The following PSRC1 variants were observed in gnomAD, a reference collection of about 807,000 sequenced individuals.
PSRC1 encodes the protein proline and serine rich coiled-coil 1, also known as proline/serine-rich coiled-coil protein 1.
Under a neutral mutation model 31.9 loss-of-function variants are expected in PSRC1, and 30 were observed. The observed-to-expected ratio is 0.94, with a 90% CI of 0.70 to 1.28. PSRC1 has a LOEUF of 1.28. Among genes scored for constraint, PSRC1 ranks in the 50% most tolerant of loss-of-function variants. PSRC1 has a pLI of 0.00. For missense variants in PSRC1, 481 were observed against 472.8 expected, an observed-to-expected ratio of 1.02 and a Z score of -0.16; for synonymous variants, 191 against 192.1, an observed-to-expected ratio of 0.99 and a Z score of 0.05.
At chr1:109,282,974 C>T (rs1273843437) in intron 1 of PSRC1, 89 bp downstream of exon 1, 3 of 575,696 alleles carry the variant, frequency 5.2e-6, no homozygotes, top group Non-Finnish European at 9.3e-6. Flanking sequence ...GCGGCCTGCA[C>T]GCCCCATCTT....
chr1:109,283,049 C>CA lies in PSRC1; in HGVS notation c.-34+24dup. ...CCACCTTTCCACTCCCCTGGCATCA[C>CA]ACGCGAAGCACACCTCCAGCCCACC... On this transcript the variant is annotated intron_variant, in intron 1 of 6. Coordinates refer to ENST00000409138, the Ensembl canonical transcript of PSRC1. 1 of 410,298 alleles carries CA rather than the reference C, an allele frequency of 2.4e-6. No homozygotes were observed. The highest frequency in any genetic ancestry group is 2.0e-5 in the African/African-American group (1 of 49,250). 25.4% of individuals were successfully genotyped at this position (410,298 alleles called of 1,614,324 possible).
chr1:109,281,708 GGCT>G (rs1207991395), exon 4 of PSRC1: 5 of 1,614,032 alleles, frequency 3.1e-6, no homozygotes, highest in Non-Finnish European at 4.2e-6. Context: ...CGAGGCGTCA[GGCT>G]GCTTGGGGAG....
chr1:109,280,202 C>T (rs367608599), intron 6 of PSRC1, 46 bp from the exon 8 acceptor site: 119 of 1,608,204 alleles, frequency 7.4e-5, no homozygotes, highest in Non-Finnish European at 9.4e-5. Context: ...CCTTCTTCCT[C>T]AAGCCCATTT....
At chr1:109,282,911 A>G (rs1166248932) in intron 1 of PSRC1, 152 bp downstream of exon 1, 1 of 632,144 alleles carries the variant, frequency 1.6e-6, no homozygotes, top group Non-Finnish European at 2.8e-6. Flanking sequence ...GGCTCCCCCA[A>G]CTGCCCAGAT....
At chr1:109,282,922 T>C in intron 1 of PSRC1, 141 bp downstream of exon 1, 2 of 618,076 alleles carry the variant, frequency 3.2e-6, no homozygotes, top group Non-Finnish European at 5.7e-6. Flanking sequence ...CTGCCCAGAT[T>C]GCCCTGGAGC....
At position 109,281,266 on chromosome 1, in the gene PSRC1, G is replaced by T. The variant is rs371053376; in HGVS notation, c.520-15C>A. The T allele has an allele frequency of 4.4e-5, 69 of 1,552,758 alleles. No homozygotes were observed. The highest frequency in any genetic ancestry group is 5.9e-5 in the Non-Finnish European group (68 of 1,146,676). On this transcript the variant is annotated splice_polypyrimidine_tract_variant and intron_variant, in intron 4 of 6. Transcript: ENST00000409138. ...GTGGGTGACTCCTGAAACACAAAGAGAGAGAGAAAAAAGACTAGAGTGGAA... is the reference window on the plus strand; with the variant it reads ...GTGGGTGACTCCTGAAACACAAAGATAGAGAGAAAAAAGACTAGAGTGGAA...
At chr1:109,282,165 C>G in intron 3 of PSRC1, 105 bp from the exon 4 acceptor site, 2 of 1,081,006 alleles carry the variant, frequency 1.9e-6, no homozygotes, top group Non-Finnish European at 2.6e-6. Context: ...GGACATGACC[C>G]TAGGCCCCGA....
intron 1 of PSRC1, 146 bp from the exon 2 acceptor site, chr1:109,282,882 C>T: frequency 1.4e-6 from 1 of 700,014 alleles, no homozygotes. Flanking sequence ...CTCCTGCTAC[C>T]TCCGGGAACG....
At chr1:109,279,888 C>A in exon 7 of PSRC1, 1 of 544,902 alleles carries the variant, frequency 1.8e-6, no homozygotes, top group Non-Finnish European at 3.3e-6. Flanking sequence ...TACTTCTCAT[C>A]TTCTATTTGT....
In PSRC1 at chr1:109,280,664, C is replaced by A; in HGVS notation, c.994+113G>T. On this transcript the variant is annotated intron_variant, in intron 5 of 6. Coordinates refer to ENST00000409138, the Ensembl canonical transcript of PSRC1. The stretch of plus-strand genomic sequence containing the variant: ...CATATCCTCTCTGTAACTCAGTCTC[C>A]CCATCTTCCAATTGAATTGCAATAA... The A allele has an allele frequency of 1.1e-5, 11 of 1,013,684 alleles. No homozygotes were observed. The South Asian group carries it at 1.8e-4, about 17-fold the overall frequency. The allele number at this position is 1,013,684 out of a possible 1,614,324, so 62.8% of individuals were successfully genotyped here.
exon 6 of PSRC1, chr1:109,280,476 C>G: frequency 6.2e-7 from 1 of 1,612,822 alleles, no homozygotes; most frequent in Non-Finnish European, 8.5e-7. Context: ...GATTTAGTCG[C>G]TGGGAAACAG....
chr1:109,281,629 T>C, exon 4 of PSRC1: 1 of 1,611,016 alleles, frequency 6.2e-7, no homozygotes, highest in Non-Finnish European at 8.5e-7. Flanking sequence ...CCTCTTCATG[T>C]TGGAGGGCCT....
rs1213288664 is a variant in PSRC1 at position 109,280,503 on chromosome 1, A to T, written c.995-14T>A. 9 of 1,600,520 alleles carry T rather than the reference A, an allele frequency of 5.6e-6. No individual in the cohort carries two copies. Among genetic ancestry groups the T allele is most frequent in the Middle Eastern group, 3.3e-4 (2 of 6,012 alleles). On this transcript the variant is annotated splice_polypyrimidine_tract_variant and intron_variant, in intron 5 of 6. Coordinates refer to ENST00000409138, the Ensembl canonical transcript of PSRC1. ...GGGAAACAGGAACTTCATGGGGGTT[A>T]ACAAAAGAAATGAGTTAGCAGCAAG...
chr1:109,281,903 C>G (rs770186008), exon 4 of PSRC1: 1 of 1,609,998 alleles, frequency 6.2e-7, no homozygotes, highest in Non-Finnish European at 8.5e-7. Context: ...TTGGCCTCAT[C>G]GAGGATCTCC....
exon 4 of PSRC1, chr1:109,281,658 G>A (rs1181308405): frequency 5.0e-6 from 8 of 1,613,876 alleles, no homozygotes; most frequent in Non-Finnish European, 6.8e-6. Flanking sequence ...ATGTAGCCCG[G>A]AGAGCCCTGA....
intron 2 of PSRC1, 42 bp downstream of exon 2, chr1:109,282,638 T>G: frequency 6.2e-7 from 1 of 1,601,220 alleles, no homozygotes; most frequent in Non-Finnish European, 8.5e-7. Flanking sequence ...CATCGCTGGG[T>G]CTCACTCCTC....
At chr1:109,282,440 G>T in intron 3 of PSRC1, 78 bp downstream of exon 3, 1 of 1,415,268 alleles carries the variant, frequency 7.1e-7, no homozygotes, top group Non-Finnish European at 9.9e-7. Context: ...ACCAACCCAA[G>T]CCAATAATTC....
rs544803512 is a variant in PSRC1 at position 109,281,819 on chromosome 1, G to A, written c.319C>T (p.Arg107Ter). Residue 107 changes from arginine (R) to a stop codon, truncating the protein, a stop_gained, in exon 4 of 7, where the codon CGA (arginine) becomes TGA (stop). Coordinates refer to ENST00000409138, the Ensembl canonical transcript of PSRC1. LOFTEE classifies it high-confidence loss of function. ...TCCCGCCGAGGACTGGGCTTCACTC[G>A]GCGAGGCCCCAGGCCCTCGCCTGCG... 5.8e-5 allele frequency: 93 copies of A among 1,613,952 alleles called. 1 individual carries two copies. In the South Asian group the frequency reaches 9.1e-4, roughly 16 times the overall value.
intron 4 of PSRC1, 73 bp downstream of exon 4, chr1:109,281,546 A>T: frequency 7.7e-7 from 1 of 1,296,892 alleles, no homozygotes; most frequent in Non-Finnish European, 1.1e-6. Context: ...TTTTACCAAT[A>T]AGGAAACCAC....
Sources: gnomAD v4.1 joint callset for allele counts on GRCh38, gnomAD v4.1.1 for gene constraint, MANE v1.5 for transcripts, NCBI Gene and HGNC (gene_info 2026-07-23, HGNC 2026-07-21) for gene names.